RARB: variants seen among roughly 807,000 people sequenced by gnomAD.
The protein encoded by RARB is retinoic acid receptor beta, also known as HBV-activated protein.
Under a neutral mutation model 51.9 loss-of-function variants are expected in RARB, and 17 were observed. That is an observed-to-expected ratio of 0.33 (90% CI 0.22 to 0.49). The LOEUF is 0.49. RARB is among the 20% of genes least tolerant of loss of function. The pLI, the probability that RARB is intolerant of heterozygous loss-of-function variation, is 0.99. For synonymous variants in RARB, 215 were observed against 195.4 expected, an observed-to-expected ratio of 1.10 and a Z score of -0.84; for missense variants, 369 against 550.8, an observed-to-expected ratio of 0.67 and a Z score of 3.30.
Position 25,106,468 on chromosome 3 carries a change from G to GTT in RARB, c.-327-25690_-327-25689dup, listed in dbSNP as rs1239064966. Among the ~76,000 whole-genome samples, 85 of 113,960 alleles carry GTT rather than the reference G, an allele frequency of 7.5e-4. 4 individuals carry two copies. The highest frequency in any genetic ancestry group is 2.6e-3 in the African/African-American group (71 of 27,294). The allele number at this position is 113,960 out of a possible 152,430, so 74.8% of individuals were successfully genotyped here. On this transcript the variant is annotated intron_variant, in intron 3 of 11. Transcript: ENST00000383772. ...TGTTTTTTGTTTTTTGTTTTTTTTT[G>GTT]TTTTGTTTTTTTTTTGTAGAGACAG...
chr3:25,203,368 G>A (rs1017530572), intron 5 of RARB, among the ~76,000 whole-genome samples: 2 of 152,114 alleles, frequency 1.3e-5, no homozygotes, highest in African/African-American at 2.4e-5. Context: ...ACACTGACAG[G>A]TCTTGACTCT....
At chr3:25,171,891 A>G (rs958898500) in intron 4 of RARB, among the ~76,000 whole-genome samples, 3 of 152,146 alleles carry the variant, frequency 2.0e-5, no homozygotes, top group African/African-American at 7.2e-5. Flanking sequence ...TATTGAATAT[A>G]TTGGATAACG....
chr3:25,383,781 T>C (rs1392808443), intron 5 of RARB, among the ~76,000 whole-genome samples: 3 of 151,910 alleles, frequency 2.0e-5, no homozygotes, highest in Non-Finnish European at 4.4e-5. Flanking sequence ...AATACAAAAC[T>C]TAGCCAGGCG....
At chr3:25,100,131 A>C (rs960694343) in intron 3 of RARB, among the ~76,000 whole-genome samples, 5 of 152,166 alleles carry the variant, frequency 3.3e-5, no homozygotes, top group Non-Finnish European at 7.3e-5. Context: ...TATCCCTCCA[A>C]AGTGGCAAAG....
intron 5 of RARB, among the ~76,000 whole-genome samples, chr3:25,237,070 C>A (rs1197727447): frequency 6.6e-6 from 1 of 151,618 alleles, no homozygotes; most frequent in Non-Finnish European, 1.5e-5. Flanking sequence ...ACGCTATTAT[C>A]ATAATTGCTA....
At chr3:25,261,947 T>G (rs374385489) in intron 5 of RARB, among the ~76,000 whole-genome samples, 12 of 152,142 alleles carry the variant, frequency 7.9e-5, no homozygotes, top group African/African-American at 2.9e-4. Context: ...TCTCTCATTC[T>G]GCCCTCTCCA....
rs1431634235 is a variant in RARB, at chr3:25,104,902, G to C, written c.-327-27259G>C. The stretch of plus-strand genomic sequence containing the variant: ...ACTAATCTCCAGTGCTAGAAGTTGG[G>C]GGAGTGGAGGTAATGCCTGCAAGGG... On this transcript the variant is annotated intron_variant, in intron 3 of 11. Transcript: ENST00000383772. 2.0e-5 allele frequency among the ~76,000 whole-genome samples: 3 copies of C among 152,162 alleles called. No individual in the cohort carries two copies. In the East Asian group the frequency reaches 5.8e-4, roughly 29 times the overall value.
At position 25,189,329 on chromosome 3, in the gene RARB, C is replaced by T. The variant is rs143323343; in HGVS notation, c.178+14754C>T. 5.3e-3 allele frequency among the ~76,000 whole-genome samples: 802 copies of T among 152,180 alleles called. 13 individuals carry two copies. The highest frequency in any genetic ancestry group is 0.017 in the African/African-American group (699 of 41,546). Reference sequence around the variant, plus strand: ...ATAAATAAATGATCTTCATAGCCTTCGGGCAATTATCCATAAAAACTATTT... The same window carrying T: ...ATAAATAAATGATCTTCATAGCCTTTGGGCAATTATCCATAAAAACTATTT... On this transcript the variant is annotated intron_variant, in intron 5 of 11. Coordinates refer to the RARB transcript ENST00000383772.
rs114029541 is a variant in RARB at position 25,158,635 on chromosome 3, G to T, written c.-279-15484G>T. Among the ~76,000 whole-genome samples the T allele has an allele frequency of 6.6e-3, 999 of 152,222 alleles. 8 individuals are homozygous for T. The highest frequency in any genetic ancestry group is 0.022 in the African/African-American group (905 of 41,528). On this transcript the variant is annotated intron_variant, in intron 4 of 11. Coordinates refer to the RARB transcript ENST00000383772. ...AGAGAAGATTTGGGAATCAAAAATTGAAGTACAAATATAAAGTCATGAAAT... is the reference window on the plus strand; with the variant it reads ...AGAGAAGATTTGGGAATCAAAAATTTAAGTACAAATATAAAGTCATGAAAT...
Position 25,529,709 on chromosome 3 carries a change from A to G in RARB, c.448+28386A>G, listed in dbSNP as rs1223438370. 2.0e-5 allele frequency among the ~76,000 whole-genome samples: 3 copies of G among 152,326 alleles called. No individual in the cohort carries two copies. The East Asian group carries it at 5.8e-4, about 29-fold the overall frequency. On this transcript the variant is annotated intron_variant, in intron 3 of 7. Coordinates refer to ENST00000330688, the MANE Select transcript of RARB (RefSeq NM_000965.5). Reference sequence around the variant, plus strand: ...CATAGTGGTTTTCCCATGACTGTATACATTTGTTAAAACTCATAGAACTGT... The same window carrying G: ...CATAGTGGTTTTCCCATGACTGTATGCATTTGTTAAAACTCATAGAACTGT...
intron 2 of RARB, among the ~76,000 whole-genome samples, chr3:24,951,987 C>T (rs1355134324): frequency 6.6e-5 from 10 of 152,128 alleles, no homozygotes; most frequent in Non-Finnish European, 1.2e-4. Context: ...TTGCAAATTG[C>T]CCTGTATTCA....
intron 5 of RARB, among the ~76,000 whole-genome samples, chr3:25,203,880 C>T (rs1010999034): frequency 1.2e-4 from 18 of 152,128 alleles, no homozygotes; most frequent in Non-Finnish European, 1.9e-4. Flanking sequence ...TCCTTCATTT[C>T]AATTATGAAT....
At chr3:25,312,333 C>T (rs142211528) in intron 5 of RARB, among the ~76,000 whole-genome samples, 17 of 151,862 alleles carry the variant, frequency 1.1e-4, no homozygotes, top group Middle Eastern at 3.4e-3. Flanking sequence ...AAAACAACCC[C>T]GGGAGGGAGG....
At chr3:25,110,157 T>C (rs148754497) in intron 3 of RARB, among the ~76,000 whole-genome samples, 5 of 152,258 alleles carry the variant, frequency 3.3e-5, no homozygotes, top group African/African-American at 1.2e-4. Flanking sequence ...TCCCTACAAA[T>C]GGGATATGGG....
chr3:25,324,093 A>G (rs17016192), intron 5 of RARB: 8,077 of 152,322 alleles, frequency 0.053, 281 homozygotes, highest in Middle Eastern at 0.088. Context: ...GATACTGTGT[A>G]CTATTGAAGA....
intron 2 of RARB, among the ~76,000 whole-genome samples, chr3:24,966,999 C>T (rs772302311): frequency 1.3e-5 from 2 of 152,214 alleles, no homozygotes; most frequent in Admixed American, 1.3e-4. Context: ...TGCCCATATT[C>T]AAAATTAAAT....
At chr3:25,156,047 C>T (rs1393630281) in intron 4 of RARB, among the ~76,000 whole-genome samples, 6 of 152,140 alleles carry the variant, frequency 3.9e-5, no homozygotes, top group Admixed American at 2.6e-4. Flanking sequence ...GGCAATTTTT[C>T]GACTTGTATC....
chr3:25,273,801 G>T (rs2125412615), intron 5 of RARB, among the ~76,000 whole-genome samples: 1 of 152,316 alleles, frequency 6.6e-6, no homozygotes, highest in South Asian at 2.1e-4. Context: ...CTCAGTGTCT[G>T]CCAGTCTTCT....
intron 5 of RARB, among the ~76,000 whole-genome samples, chr3:25,296,225 C>A (rs1485765572): frequency 1.3e-5 from 2 of 152,092 alleles, no homozygotes. Flanking sequence ...AGGAAAGATC[C>A]TCTCAAACCC....
Sources: gnomAD v4.1 joint callset for allele counts (sites outside exome capture counted in the v4.1 genomes callset) on GRCh38, gnomAD v4.1.1 for gene constraint, MANE v1.5 for transcripts, NCBI Gene and HGNC (gene_info 2026-07-23, HGNC 2026-07-21) for gene names.